The following CRTC1 variants were observed in gnomAD, a reference collection of about 807,000 sequenced individuals.
The protein encoded by CRTC1 is CREB-regulated transcription coactivator 1.
Under a neutral mutation model 66.1 loss-of-function variants are expected in CRTC1, and 18 were observed. That is an observed-to-expected ratio of 0.27 (90% CI 0.19 to 0.40). The LOEUF (loss-of-function observed/expected upper bound fraction) is 0.40, where lower values mean the gene tolerates loss of function less well. CRTC1 is among the 10% of genes least tolerant of loss of function. The probability of loss-of-function intolerance (pLI) is 1.00; values close to 1 mark genes in which losing one functional copy is unlikely to be tolerated. For synonymous variants in CRTC1, 416 were observed against 398.8 expected (o/e 1.04, Z -0.51); for missense variants, 669 against 887.9 (o/e 0.75, Z 3.13).
intron 1 of CRTC1, among the ~76,000 whole-genome samples, chr19:18,725,522 C>T (rs1341489708): frequency 4.8e-5 from 5 of 103,412 alleles, no homozygotes. Context: ...CACACACGGG[C>T]CCCTGGGTTC....
At chr19:18,762,076 C>T (rs1394271109) in intron 8 of CRTC1, among the ~76,000 whole-genome samples, 2 of 152,208 alleles carry the variant, frequency 1.3e-5, no homozygotes, top group Admixed American at 6.5e-5. Context: ...TGAAGGTCAG[C>T]GCTGGGGCTG....
chr19:18,754,518 GA>G (rs1378633037), intron 6 of CRTC1, among the ~76,000 whole-genome samples: 14 of 151,302 alleles, frequency 9.3e-5, no homozygotes, highest in South Asian at 6.2e-4. Context: ...TTCTGGTGGG[GA>G]AAAAAAAATA....
intron 1 of CRTC1, among the ~76,000 whole-genome samples, chr19:18,693,601 C>T (rs1460686530): frequency 6.6e-6 from 1 of 151,332 alleles, no homozygotes; most frequent in Non-Finnish European, 1.5e-5. Context: ...CCTGCCTCAG[C>T]CTCCTGAGTA....
intron 2 of CRTC1, 113 bp downstream of exon 2, chr19:18,743,139 C>G: frequency 6.2e-6 from 5 of 808,776 alleles, no homozygotes; most frequent in Non-Finnish European, 2.0e-6. Flanking sequence ...CGGAGCCCAC[C>G]CAACCACTGC....
chr19:18,769,024 A>T (rs2054803257), intron 10 of CRTC1, among the ~76,000 whole-genome samples: 1 of 152,112 alleles, frequency 6.6e-6, no homozygotes, highest in Non-Finnish European at 1.5e-5. Flanking sequence ...CCCAGATTCC[A>T]CCCAAGGTGG....
chr19:18,759,441 C>G, intron 6 of CRTC1, 110 bp from the exon 7 acceptor site: 1 of 1,123,480 alleles, frequency 8.9e-7, no homozygotes, highest in Non-Finnish European at 1.3e-6. Context: ...TCTCATGATG[C>G]ATCTCTGGGC....
intron 6 of CRTC1, 148 bp downstream of exon 6, chr19:18,753,733 A>G (rs1451565581): frequency 1.6e-6 from 1 of 616,102 alleles, no homozygotes; most frequent in South Asian, 2.0e-5. Flanking sequence ...TCAAATTCAG[A>G]GAATCTGTTA....
chr19:18,758,158 G>A (rs927640681), intron 6 of CRTC1, among the ~76,000 whole-genome samples: 14 of 151,340 alleles, frequency 9.3e-5, no homozygotes, highest in Non-Finnish European at 1.6e-4. Context: ...TCAGGAGATG[G>A]AGACCCTCCT....
At position 18,768,419 on chromosome 19, in the gene CRTC1, G is replaced by A; in HGVS notation, c.1012-66G>A. On this transcript the variant is annotated intron_variant, in intron 9 of 13. Transcript: ENST00000321949. This position sits in a 1 kb window ranked among gnomAD's most constrained non-coding sequence, Gnocchi z 5.6. ...CGCCTGCTGAGCATGCCAGGCTATGGGGGCCCGAGGGGGCCAGGCGCTGAC... is the reference window on the plus strand; with the variant it reads ...CGCCTGCTGAGCATGCCAGGCTATGAGGGCCCGAGGGGGCCAGGCGCTGAC... 7.2e-7 allele frequency: 1 copy of A among 1,388,166 alleles called. No individual in the cohort carries two copies. The highest frequency in any genetic ancestry group is 1.0e-6 in the Non-Finnish European group (1 of 1,003,624). The allele number at this position is 1,388,166 out of a possible 1,614,324, so 86.0% of individuals were successfully genotyped here. A position where few individuals can be genotyped will look rare whatever the true frequency, so the allele number is the denominator to read the frequency against.
chr19:18,702,643 C>T (rs2053172140), intron 1 of CRTC1, among the ~76,000 whole-genome samples: 1 of 150,956 alleles, frequency 6.6e-6, no homozygotes, highest in Non-Finnish European at 1.5e-5. Context: ...AAGCGATTCT[C>T]CTGCCCTCAG....
At chr19:18,770,023 C>T (rs891525796) in intron 10 of CRTC1, among the ~76,000 whole-genome samples, 1 of 151,022 alleles carries the variant, frequency 6.6e-6, no homozygotes, top group Non-Finnish European at 1.5e-5. Context: ...CCTACCCCAC[C>T]CCGCCCCACC....
At chr19:18,683,906 C>CG (rs1292119193) in intron 1 of CRTC1, 78 bp downstream of exon 1, 1 of 11,074 alleles carries the variant, frequency 9.0e-5, no homozygotes, top group Non-Finnish European at 1.8e-4. Flanking sequence ...GTGCACGGGG[C>CG]GGGGTGGGGG....
At position 18,741,146 on chromosome 19, in the gene CRTC1, T is replaced by C. The variant is rs1244779507; in HGVS notation, c.127-1764T>C. Among the ~76,000 whole-genome samples the C allele has an allele frequency of 2.6e-5, 4 of 152,204 alleles. No homozygotes were observed. Among genetic ancestry groups the C allele is most frequent in the African/African-American group, 4.8e-5 (2 of 41,448 alleles). The stretch of plus-strand genomic sequence containing the variant: ...GGAGCTGGGAATTGTGGGCAAGGTT[T>C]GGACAGAGATGGGGCTTGGGAACCA... On this transcript the variant is annotated intron_variant, in intron 1 of 13. Transcript: ENST00000321949. The surrounding 1 kb of genome is among the most constrained non-coding windows in gnomAD (Gnocchi z 4.2).
intron 6 of CRTC1, among the ~76,000 whole-genome samples, chr19:18,758,376 GAA>G: frequency 6.8e-6 from 1 of 146,896 alleles, no homozygotes; most frequent in East Asian, 2.0e-4. Flanking sequence ...AAAAAAAAAA[GAA>G]AGAAAAAAAA....
Position 18,771,522 on chromosome 19 carries a change from C to A in CRTC1, c.1401C>A (p.Gly467=). ...QSPTSPVSNQ[G]FSPGSSPQHT... Reference sequence around the variant, plus strand: ...CCACCTCGCCAGTCTCCAATCAAGGCTTCTCCCCAGGGAGCTCCCCGCAAG... The same window carrying A: ...CCACCTCGCCAGTCTCCAATCAAGGATTCTCCCCAGGGAGCTCCCCGCAAG... Residue 467 remains glycine, a synonymous_variant, in exon 11 of 14, where the codon GGC becomes GGA. Coordinates refer to ENST00000321949, the MANE Select transcript of CRTC1 (RefSeq NM_015321.3). This position sits in a 1 kb window ranked among gnomAD's most constrained non-coding sequence, Gnocchi z 4.6. The A allele has an allele frequency of 6.2e-7, 1 of 1,613,506 alleles. No homozygotes were observed. The highest frequency in any genetic ancestry group is 8.5e-7 in the Non-Finnish European group (1 of 1,179,718).
chr19:18,726,217 G>A (rs916967843), intron 1 of CRTC1, among the ~76,000 whole-genome samples: 6 of 152,244 alleles, frequency 3.9e-5, no homozygotes, highest in African/African-American at 9.6e-5. Flanking sequence ...CTCGGCGGAC[G>A]CTGCCAAATG....
At chr19:18,739,604 G>C (rs555863256) in intron 1 of CRTC1, among the ~76,000 whole-genome samples, 2 of 152,198 alleles carry the variant, frequency 1.3e-5, no homozygotes, top group Non-Finnish European at 2.9e-5. Flanking sequence ...CACGGAGCTC[G>C]TCCTCAGGGT....
At chr19:18,691,244 A>G (rs951161051) in intron 1 of CRTC1, among the ~76,000 whole-genome samples, 6 of 151,834 alleles carry the variant, frequency 4.0e-5, no homozygotes, top group Middle Eastern at 3.4e-3. Flanking sequence ...GACCAGGCAC[A>G]GTGGCTCACG....
chr19:18,759,723 C>A, intron 7 of CRTC1, 132 bp downstream of exon 7: 1 of 1,032,498 alleles, frequency 9.7e-7, no homozygotes, highest in Non-Finnish European at 1.4e-6. Flanking sequence ...AGGCCAGTGA[C>A]AGAGCCCCCA....
Sources: gnomAD v4.1 joint callset for allele counts (sites outside exome capture counted in the v4.1 genomes callset) on GRCh38, gnomAD v4.1.1 for gene constraint, Gnocchi (gnomAD v3.1) non-coding constraint, MANE v1.5 for transcripts, NCBI Gene and HGNC (gene_info 2026-07-23, HGNC 2026-07-21) for gene names.